Variants in PRH1 observed in about 807,000 individuals in gnomAD.
PRH1 encodes salivary acidic proline-rich phosphoprotein 1/2.
Under a neutral mutation model 7.9 loss-of-function variants are expected in PRH1, and 7 were observed. The ratio of observed to expected loss-of-function variants is 0.89; its 90% CI spans 0.50 to 1.67. The LOEUF (loss-of-function observed/expected upper bound fraction) is 1.67, where lower values mean the gene tolerates loss of function less well. PRH1 is among the 40% of genes most tolerant of loss of function. The probability of loss-of-function intolerance (pLI) is 0.00; values close to 1 mark genes in which losing one functional copy is unlikely to be tolerated. For missense variants in PRH1, 109 were observed against 223.6 expected, an observed-to-expected ratio of 0.49 and a Z score of 3.27; for synonymous variants, 45 against 80.8, an observed-to-expected ratio of 0.56 and a Z score of 2.38.
At chr12:11,150,510 G>A (rs1001440566) in intron 1 of PRH1, among the ~76,000 whole-genome samples, 26 of 152,268 alleles carry the variant, frequency 1.7e-4, no homozygotes, top group African/African-American at 5.1e-4. Flanking sequence ...ATGAGTTCAT[G>A]TCCTCTGTAG....
At chr12:10,889,394 G>A (rs1048649979) in intron 2 of PRH1, among the ~76,000 whole-genome samples, 1 of 151,940 alleles carries the variant, frequency 6.6e-6, no homozygotes, top group Admixed American at 6.6e-5. Context: ...TATTTATATT[G>A]CATTTTCCCT....
intron 1 of PRH1, among the ~76,000 whole-genome samples, chr12:11,161,235 G>T (rs768856011): frequency 6.6e-6 from 1 of 152,140 alleles, no homozygotes; most frequent in Non-Finnish European, 1.5e-5. Flanking sequence ...CATAGGGAAG[G>T]TTACTCAGAC....
At chr12:10,903,703 C>T (rs1949756345) in intron 2 of PRH1, among the ~76,000 whole-genome samples, 2 of 151,450 alleles carry the variant, frequency 1.3e-5, no homozygotes, top group East Asian at 1.9e-4. Flanking sequence ...AAAAAAAAGG[C>T]ATCCAAATAG....
intron 1 of PRH1, among the ~76,000 whole-genome samples, chr12:11,068,747 A>C (rs1252079886): frequency 6.6e-6 from 1 of 152,148 alleles, no homozygotes; most frequent in Non-Finnish European, 1.5e-5. Flanking sequence ...TTATTTCTAT[A>C]ATAATAATAA....
rs182299080 is a variant in PRH1 at position 11,037,106 on chromosome 12, C to T, written c.-126+9914G>A. 3.9e-3 allele frequency among the ~76,000 whole-genome samples: 592 copies of T among 152,220 alleles called. 1 individual carries two copies. The highest frequency in any genetic ancestry group is 0.014 in the African/African-American group (562 of 41,520). On this transcript the variant is annotated intron_variant, in intron 1 of 3. Transcript: ENST00000539853. Reference sequence around the variant, plus strand: ...ACATTTTAAAATTCGATAAGAAACACGACCTCCAACAATTAGGATTCTATT... The same window carrying T: ...ACATTTTAAAATTCGATAAGAAACATGACCTCCAACAATTAGGATTCTATT...
At chr12:10,908,236 T>C (rs1185221855) in intron 2 of PRH1, 11 of 616,656 alleles carry the variant, frequency 1.8e-5, no homozygotes, top group Non-Finnish European at 2.7e-5. Flanking sequence ...GATGCTATTA[T>C]AGAGAAGAAT....
At chr12:11,146,204 C>A (rs777243223) in intron 1 of PRH1, among the ~76,000 whole-genome samples, 30 of 151,960 alleles carry the variant, frequency 2.0e-4, no homozygotes, top group Non-Finnish European at 3.2e-4. Context: ...TCATTCTGTG[C>A]GTCTTTACAC....
intron 1 of PRH1, chr12:11,171,231 A>G (rs1295750614): frequency 1.8e-6 from 1 of 555,226 alleles, no homozygotes; most frequent in African/African-American, 1.9e-5. Context: ...CGGCAGCGGC[A>G]AGCTTGGGTG....
intron 1 of PRH1, among the ~76,000 whole-genome samples, chr12:11,108,997 CAT>C (rs991106020): frequency 2.0e-5 from 3 of 152,162 alleles, no homozygotes; most frequent in African/African-American, 7.2e-5. Flanking sequence ...GGATGTCCGC[CAT>C]TACTGGGGCT....
At chr12:10,889,983 T>C (rs942909400) in intron 2 of PRH1, among the ~76,000 whole-genome samples, 1 of 152,236 alleles carries the variant, frequency 6.6e-6, no homozygotes, top group Non-Finnish European at 1.5e-5. Context: ...GTCATTTTAA[T>C]ATCTAAGTAA....
intron 1 of PRH1, among the ~76,000 whole-genome samples, chr12:11,080,088 C>A (rs1399827556): frequency 7.4e-6 from 1 of 135,544 alleles, no homozygotes; most frequent in Admixed American, 7.6e-5. Flanking sequence ...TCCCCTATAC[C>A]TTTCTTCATA....
chr12:10,973,685 A>G (rs1016371458), exon 2 of PRH1: 1 of 780,372 alleles, frequency 1.3e-6, no homozygotes. Flanking sequence ...GAGTAGATAC[A>G]GCAGGTTCCA....
chr12:11,168,275 A>G lies in PRH1; in HGVS notation n.39+3147T>C, dbSNP rs868070763. On this transcript the variant is annotated intron_variant and non_coding_transcript_variant, in intron 1 of 1. Coordinates refer to the PRH1 transcript ENST00000541175. ...AAGAAAGAAAGAAAGAAAGAAAGAA[A>G]GAAAGAAAGAAAGAAAGAAAGAAAG... 5.3e-3 allele frequency among the ~76,000 whole-genome samples: 174 copies of G among 32,540 alleles called. 49 individuals are homozygous for G. The highest frequency in any genetic ancestry group is 0.026 in the Middle Eastern group (2 of 76). The allele number at this position is 32,540 out of a possible 152,430, so 21.3% of individuals were successfully genotyped here.
chr12:11,128,089 C>T lies in PRH1; in HGVS notation n.40-6909G>A, dbSNP rs867811876. Among the ~76,000 whole-genome samples, 95 of 132,310 alleles carry T rather than the reference C, an allele frequency of 7.2e-4. No homozygotes were observed. The Middle Eastern group carries it at 0.019, about 26-fold the overall frequency. 86.8% of individuals were successfully genotyped at this position (132,310 alleles called of 152,430 possible). Reference sequence around the variant, plus strand: ...TGGCGCCACTGCACTCTAGCCTGGGCGACAGAGCGAGACTCAGTCTCAAAA... The same window carrying T: ...TGGCGCCACTGCACTCTAGCCTGGGTGACAGAGCGAGACTCAGTCTCAAAA... On this transcript the variant is annotated intron_variant and non_coding_transcript_variant, in intron 1 of 1. Transcript: ENST00000541175.
At chr12:11,031,233 G>A (rs10845295) in intron 1 of PRH1, 762,427 of 1,538,912 alleles carry the variant, frequency 0.5, 186,874 homozygotes, top group Non-Finnish European at 0.53. Context: ...CTCTTGACCC[G>A]CTCAATGGAA....
At chr12:11,014,322 T>C (rs188742327) in intron 1 of PRH1, among the ~76,000 whole-genome samples, 2 of 152,242 alleles carry the variant, frequency 1.3e-5, no homozygotes, top group East Asian at 1.9e-4. Context: ...TGGATAAGGA[T>C]AAAATCAGGA....
intron 2 of PRH1, chr12:10,929,184 A>C: frequency 2.5e-6 from 4 of 1,583,434 alleles, no homozygotes; most frequent in Non-Finnish European, 3.5e-6. Context: ...AGGGAGCTCA[A>C]ATGCGCCATT....
At chr12:10,929,176 G>T in intron 2 of PRH1, 2 of 1,532,702 alleles carry the variant, frequency 1.3e-6, no homozygotes, top group Non-Finnish European at 1.8e-6. Context: ...CACCTGGTAG[G>T]GAGCTCAAAT....
At chr12:11,041,005 C>A (rs1445020681) in intron 1 of PRH1, among the ~76,000 whole-genome samples, 2 of 151,642 alleles carry the variant, frequency 1.3e-5, no homozygotes, top group South Asian at 2.1e-4. Flanking sequence ...GAGAAAATAA[C>A]CTTCACTAAT....
Sources: gnomAD v4.1 joint callset for allele counts (sites outside exome capture counted in the v4.1 genomes callset) on GRCh38, gnomAD v4.1.1 for gene constraint, MANE v1.5 for transcripts, NCBI Gene and HGNC (gene_info 2026-07-23, HGNC 2026-07-21) for gene names.